Variants in TRMT11 observed in about 807,000 individuals in gnomAD.
TRMT11 encodes tRNA methyltransferase 11, also known as tRNA (guanine(10)-N(2))-methyltransferase TRMT11.
Under a neutral mutation model 62.8 loss-of-function variants are expected in TRMT11, and 53 were observed. The ratio of observed to expected loss-of-function variants is 0.84; its 90% CI spans 0.68 to 1.06. The LOEUF is 1.06. Ranked by LOEUF, TRMT11 falls within the 50% of genes least tolerant of loss-of-function variation. TRMT11 has a pLI of 0.00. For synonymous variants in TRMT11, 188 were observed against 190.3 expected (o/e 0.99, Z 0.10); for missense variants, 556 against 553.4 (o/e 1.00, Z -0.05).
At chr6:126,113,775 G>T (rs1777558915) in intron 18 of TRMT11, among the ~76,000 whole-genome samples, 1 of 152,042 alleles carries the variant, frequency 6.6e-6, no homozygotes, top group South Asian at 2.1e-4. Flanking sequence ...AGCAGCATCA[G>T]TGTCACCCAG....
rs1777539791 is a variant in TRMT11, at chr6:126,112,191, G to T, written c.*1438-675G>T. On this transcript the variant is annotated intron_variant and NMD_transcript_variant, in intron 17 of 22. Coordinates refer to the TRMT11 transcript ENST00000648977. Reference sequence around the variant, plus strand: ...CCATCTCTTTCTGGTTAGTGAACTGGTGCCACCACCTGCCCATTAGAGAAC... The same window carrying T: ...CCATCTCTTTCTGGTTAGTGAACTGTTGCCACCACCTGCCCATTAGAGAAC... Among the ~76,000 whole-genome samples the T allele has an allele frequency of 2.0e-5, 3 of 152,168 alleles. No homozygotes were observed. In the South Asian group the frequency reaches 6.2e-4, roughly 32 times the overall value.
At chr6:126,084,555 G>T (rs1270156075) in intron 17 of TRMT11, among the ~76,000 whole-genome samples, 1 of 152,044 alleles carries the variant, frequency 6.6e-6, no homozygotes, top group Non-Finnish European at 1.5e-5. Flanking sequence ...ACTGTGCAGA[G>T]CTGTTTGGTT....
At chr6:126,080,814 C>T (rs1324974603) in intron 17 of TRMT11, among the ~76,000 whole-genome samples, 1 of 152,096 alleles carries the variant, frequency 6.6e-6, no homozygotes, top group Admixed American at 6.6e-5. Flanking sequence ...TCAGTTGACC[C>T]CCCTGTAGTT....
At chr6:126,269,317 GA>G in the TRMT11 span, among the ~76,000 whole-genome samples, 1 of 117,376 alleles carries the variant, frequency 8.5e-6, no homozygotes, top group Non-Finnish European at 1.9e-5. Context: ...ACCTATTAAA[GA>G]AAAAAATATT....
At position 126,160,362 on chromosome 6, in the gene TRMT11, G is replaced by A. The variant is rs142084106; in HGVS notation, c.*1824-14463G>A. On this transcript the variant is annotated intron_variant and NMD_transcript_variant, in intron 21 of 22. Coordinates refer to the TRMT11 transcript ENST00000648977. Reference sequence around the variant, plus strand: ...TCACACTTTTTTCCTCACCCAAAGTGTCTCAGAGTTGTTGCTATTGCTTCT... The same window carrying A: ...TCACACTTTTTTCCTCACCCAAAGTATCTCAGAGTTGTTGCTATTGCTTCT... Among the ~76,000 whole-genome samples the A allele has an allele frequency of 8.1e-3, 1,224 of 152,008 alleles. 5 individuals carry two copies. Among genetic ancestry groups the A allele is most frequent in the Middle Eastern group, 0.017 (5 of 294 alleles).
At chr6:125,999,096 G>A (rs542793349) in intron 6 of TRMT11, among the ~76,000 whole-genome samples, 2 of 152,136 alleles carry the variant, frequency 1.3e-5, no homozygotes, top group East Asian at 3.9e-4. Context: ...CAGTTCTGCC[G>A]ACTTCTCTGA....
At chr6:126,226,449 C>T in the TRMT11 span, among the ~76,000 whole-genome samples, 1 of 152,066 alleles carries the variant, frequency 6.6e-6, no homozygotes. Context: ...CCAAAATAAT[C>T]ATATTCATAT....
At chr6:126,209,748 A>AAAC in the TRMT11 span, among the ~76,000 whole-genome samples, 58 of 152,116 alleles carry the variant, frequency 3.8e-4, no homozygotes, top group African/African-American at 1.1e-3. Context: ...AACAAAAACA[A>AAAC]AACAACAACA....
At chr6:126,167,654 G>T (rs1435951814) in intron 21 of TRMT11, among the ~76,000 whole-genome samples, 1 of 152,184 alleles carries the variant, frequency 6.6e-6, no homozygotes, top group Non-Finnish European at 1.5e-5. Context: ...AGTGAATTTT[G>T]AGGAGAAGGC....
At chr6:126,047,768 C>T (rs996579052) in intron 16 of TRMT11, among the ~76,000 whole-genome samples, 1 of 152,204 alleles carries the variant, frequency 6.6e-6, no homozygotes, top group African/African-American at 2.4e-5. Flanking sequence ...CTCCCCTTCC[C>T]GTAAGGGGTT....
intron 21 of TRMT11, among the ~76,000 whole-genome samples, chr6:126,123,787 T>C (rs758290214): frequency 1.3e-5 from 2 of 152,112 alleles, no homozygotes; most frequent in Non-Finnish European, 2.9e-5. Context: ...GACTTTCTTC[T>C]TGTATAATAC....
chr6:126,038,898 G>A lies in TRMT11; in HGVS notation c.*62G>A. The stretch of plus-strand genomic sequence containing the variant: ...TTGATTTAAAAAGACATCTGGATGT[G>A]AACTTTCATGTATGATCCAGAAAAT... On this transcript the variant is annotated 3_prime_UTR_variant, in exon 13 of 13. Coordinates refer to ENST00000334379, the MANE Select transcript of TRMT11 (RefSeq NM_001031712.3). The A allele has an allele frequency of 1.5e-6, 2 of 1,373,254 alleles. No individual in the cohort carries two copies. The highest frequency in any genetic ancestry group is 2.8e-5 in the South Asian group (2 of 72,112). 85.1% of individuals were successfully genotyped at this position (1,373,254 alleles called of 1,614,324 possible).
chr6:126,028,452 A>G (rs1340234783), intron 12 of TRMT11, among the ~76,000 whole-genome samples: 2 of 152,104 alleles, frequency 1.3e-5, no homozygotes, highest in African/African-American at 2.4e-5. Flanking sequence ...TCAGAAACCA[A>G]TTTGCATTAT....
At chr6:126,202,005 A>C (rs1444138111) in intron 3 of TRMT11, 1 of 152,136 alleles carries the variant, frequency 6.6e-6, no homozygotes, top group Non-Finnish European at 1.5e-5. Flanking sequence ...AGTCTTACTT[A>C]TTTTTATGTT....
chr6:126,091,077 G>A (rs1410395397), intron 17 of TRMT11, among the ~76,000 whole-genome samples: 4 of 152,076 alleles, frequency 2.6e-5, no homozygotes, highest in Non-Finnish European at 5.9e-5. Context: ...GGGTGCGGTG[G>A]CAGGCGCCTG....
chr6:126,097,675 T>C (rs530862391), intron 17 of TRMT11, among the ~76,000 whole-genome samples: 1 of 152,294 alleles, frequency 6.6e-6, no homozygotes, highest in East Asian at 1.9e-4. Context: ...AAAAAAAATC[T>C]GAACTTCAAC....
At chr6:126,164,926 T>A (rs539794089) in intron 21 of TRMT11, among the ~76,000 whole-genome samples, 8 of 152,132 alleles carry the variant, frequency 5.3e-5, no homozygotes, top group Non-Finnish European at 1.0e-4. Context: ...TCTTGACTCT[T>A]TATCCAATGT....
At chr6:126,085,093 A>C (rs903086807) in intron 17 of TRMT11, among the ~76,000 whole-genome samples, 1 of 152,142 alleles carries the variant, frequency 6.6e-6, no homozygotes, top group African/African-American at 2.4e-5. Flanking sequence ...GCTCCTCCCT[A>C]ACAAAATGGT....
At chr6:126,216,668 T>A in the TRMT11 span, among the ~76,000 whole-genome samples, 11 of 152,204 alleles carry the variant, frequency 7.2e-5, no homozygotes, top group African/African-American at 2.7e-4. Context: ...TTGAAGATCC[T>A]TTTTTCATCC....
Sources: allele counts gnomAD v4.1 joint callset (sites outside exome capture counted in the v4.1 genomes callset), GRCh38; gene constraint gnomAD v4.1.1; transcripts MANE v1.5; gene names NCBI Gene and HGNC (gene_info 2026-07-23, HGNC 2026-07-21).